Variants in WWOX observed in about 807,000 individuals in gnomAD.
WWOX encodes WW domain containing oxidoreductase.
In WWOX, 69 loss-of-function variants were observed where a neutral mutation model predicts 46.2. The ratio of observed to expected loss-of-function variants is 1.49; its 90% CI spans 1.23 to 1.82. The LOEUF (loss-of-function observed/expected upper bound fraction) is 1.82, where lower values mean the gene tolerates loss of function less well. Among genes scored for constraint, WWOX ranks in the 40% most tolerant of loss-of-function variants. The pLI is 0.00. For synonymous variants in WWOX, 359 were observed against 202.6 expected, an observed-to-expected ratio of 1.77 and a Z score of -6.56; for missense variants, 919 against 542.6, an observed-to-expected ratio of 1.69 and a Z score of -6.89.
intron 8 of WWOX, among the ~76,000 whole-genome samples, chr16:78,617,916 A>G (rs1451580182): frequency 6.6e-6 from 1 of 152,220 alleles, no homozygotes; most frequent in Non-Finnish European, 1.5e-5. Flanking sequence ...CACATTGCCC[A>G]TCTTTATAAC....
intron 4 of WWOX, among the ~76,000 whole-genome samples, chr16:78,153,675 TG>T (rs2034496884): frequency 6.6e-6 from 1 of 152,166 alleles, no homozygotes; most frequent in South Asian, 2.1e-4. Flanking sequence ...AAGTAACATT[TG>T]TCCCCAGTGT....
At chr16:78,996,301 C>T in intron 8 of WWOX, 1 of 984,332 alleles carries the variant, frequency 1.0e-6, no homozygotes, top group Non-Finnish European at 1.2e-6. Context: ...ATGGATCTTG[C>T]CTTGTGGATG....
At chr16:78,731,862 T>G (rs67021580) in intron 8 of WWOX, among the ~76,000 whole-genome samples, 2,416 of 137,332 alleles carry the variant, frequency 0.018, 97 homozygotes, top group African/African-American at 0.056. Context: ...TTTTTTTTTT[T>G]TGAGAGACAG....
intron 8 of WWOX, among the ~76,000 whole-genome samples, chr16:78,837,284 C>T (rs1008575341): frequency 2.6e-5 from 4 of 152,186 alleles, no homozygotes; most frequent in Non-Finnish European, 5.9e-5. Flanking sequence ...ACGCGAGTTT[C>T]ATTTTCATTT....
At chr16:78,893,639 C>A (rs1007619939) in intron 8 of WWOX, among the ~76,000 whole-genome samples, 1 of 152,140 alleles carries the variant, frequency 6.6e-6, no homozygotes, top group Non-Finnish European at 1.5e-5. Context: ...TTGTTGTTTT[C>A]TTCCTTGCCT....
intron 8 of WWOX, among the ~76,000 whole-genome samples, chr16:79,067,191 A>T (rs1230636740): frequency 6.6e-6 from 1 of 152,064 alleles, no homozygotes; most frequent in African/African-American, 2.4e-5. Context: ...TCTGGGTGAG[A>T]TCTGTCTTTG....
intron 5 of WWOX, among the ~76,000 whole-genome samples, chr16:78,240,844 G>A (rs940251193): frequency 1.3e-5 from 2 of 152,200 alleles, no homozygotes; most frequent in Admixed American, 6.5e-5. Flanking sequence ...ATTGAGAAGC[G>A]TTGAGTAAAT....
chr16:78,523,565 G>A (rs748423590), intron 8 of WWOX, among the ~76,000 whole-genome samples: 4 of 152,162 alleles, frequency 2.6e-5, no homozygotes, highest in Non-Finnish European at 4.4e-5. Context: ...AGTTGCCAGT[G>A]GACAGTCTGA....
intron 8 of WWOX, among the ~76,000 whole-genome samples, chr16:79,079,583 C>T (rs556568499): frequency 1.3e-5 from 2 of 152,194 alleles, no homozygotes; most frequent in African/African-American, 2.4e-5. Flanking sequence ...TGCCTGTAAC[C>T]TTCTGAAACT....
chr16:79,087,062 C>G (rs555776664), intron 8 of WWOX, among the ~76,000 whole-genome samples: 1 of 152,262 alleles, frequency 6.6e-6, no homozygotes, highest in Non-Finnish European at 1.5e-5. Flanking sequence ...TCAGATGACC[C>G]CAAGACCCTC....
chr16:78,537,205 C>G (rs796792105), intron 8 of WWOX, among the ~76,000 whole-genome samples: 11 of 152,242 alleles, frequency 7.2e-5, no homozygotes, highest in African/African-American at 2.6e-4. Context: ...GGGTGACCCA[C>G]CACACCCAGC....
At chr16:78,641,471 C>T (rs2046709326) in intron 8 of WWOX, among the ~76,000 whole-genome samples, 1 of 152,124 alleles carries the variant, frequency 6.6e-6, no homozygotes, top group Non-Finnish European at 1.5e-5. Flanking sequence ...TCTCCCCACC[C>T]AATCCCCTCT....
chr16:78,522,104 C>G (rs1597207384), intron 8 of WWOX, among the ~76,000 whole-genome samples: 1 of 134,926 alleles, frequency 7.4e-6, no homozygotes, highest in Non-Finnish European at 1.6e-5. Context: ...TTTTCATATA[C>G]AAGGGAATAT....
intron 8 of WWOX, among the ~76,000 whole-genome samples, chr16:79,116,383 G>A (rs759729476): frequency 2.0e-5 from 3 of 152,138 alleles, no homozygotes; most frequent in Non-Finnish European, 2.9e-5. Flanking sequence ...TCTCAAACTC[G>A]CCACTGCTTT....
intron 8 of WWOX, among the ~76,000 whole-genome samples, chr16:78,622,084 T>A (rs772563247): frequency 6.6e-6 from 1 of 152,204 alleles, no homozygotes; most frequent in Non-Finnish European, 1.5e-5. Flanking sequence ...CACACCAGTA[T>A]TTTATTACAT....
In WWOX at chr16:78,767,849, C is replaced by A. The variant is rs184001356; in HGVS notation, c.1056+335097C>A. 3.5e-3 allele frequency among the ~76,000 whole-genome samples: 540 copies of A among 152,210 alleles called. 5 individuals carry two copies. Among genetic ancestry groups the A allele is most frequent in the African/African-American group, 0.012 (500 of 41,542 alleles). On this transcript the variant is annotated intron_variant, in intron 8 of 8. Coordinates refer to ENST00000566780, the MANE Select transcript of WWOX (RefSeq NM_016373.4). ...ACGTGCCTACTGGCCGTTTGTGTAT[C>A]TTCTTTGGAGAAAGTAACATCCATT...
At chr16:78,658,207 G>T (rs1235607704) in intron 8 of WWOX, among the ~76,000 whole-genome samples, 4 of 152,154 alleles carry the variant, frequency 2.6e-5, no homozygotes, top group Non-Finnish European at 1.5e-5. Flanking sequence ...ACCCCTGGAT[G>T]AGAACCCCTG....
intron 8 of WWOX, among the ~76,000 whole-genome samples, chr16:78,653,539 A>G (rs184542915): frequency 1.3e-5 from 2 of 152,360 alleles, no homozygotes; most frequent in Non-Finnish European, 2.9e-5. Flanking sequence ...TACTCCTAAA[A>G]GAGATACACA....
Position 78,393,205 on chromosome 16 carries a change from A to G in WWOX, c.605+6257A>G, listed in dbSNP as rs2082213364. Reference sequence around the variant, plus strand: ...CAGACCAAATATTGGGGTTTTCTGAAATGGACTGAGAAATAACAGTATGTT... The same window carrying G: ...CAGACCAAATATTGGGGTTTTCTGAGATGGACTGAGAAATAACAGTATGTT... On this transcript the variant is annotated intron_variant, in intron 6 of 8. Transcript: ENST00000566780. Among the ~76,000 whole-genome samples the G allele has an allele frequency of 1.3e-5, 2 of 152,204 alleles. 1 individual carries two copies. Among genetic ancestry groups the G allele is most frequent in the South Asian group, 4.1e-4 (2 of 4,826 alleles).
Sources: allele counts gnomAD v4.1 joint callset (sites outside exome capture counted in the v4.1 genomes callset), GRCh38; gene constraint gnomAD v4.1.1; transcripts MANE v1.5; gene names NCBI Gene and HGNC (gene_info 2026-07-23, HGNC 2026-07-21).